The following GALNT5 variants were observed in gnomAD, a reference collection of about 807,000 sequenced individuals.
GALNT5 encodes the protein UDP-GalNAc:polypeptide N-acetylgalactosaminyltransferase 5.
Under a neutral mutation model 85.4 loss-of-function variants are expected in GALNT5, and 72 were observed. That is an observed-to-expected ratio of 0.84 (90% confidence interval 0.70 to 1.03). The LOEUF is 1.03. Among genes scored for constraint, GALNT5 ranks in the 50% least tolerant of loss-of-function variants. The pLI is 0.00. For missense variants in GALNT5, 1,137 were observed against 1,135.5 expected (o/e 1.00, Z -0.02); for synonymous variants, 404 against 397.0 (o/e 1.02, Z -0.21).
intron 2 of GALNT5, among the ~76,000 whole-genome samples, chr2:157,284,912 C>T (rs2105143597): frequency 6.6e-6 from 1 of 152,294 alleles, no homozygotes; most frequent in East Asian, 1.9e-4. Flanking sequence ...GTTAAGAAGA[C>T]AAATTGCCAA....
At chr2:157,292,597 A>G (rs1683123265) in intron 3 of GALNT5, among the ~76,000 whole-genome samples, 1 of 152,198 alleles carries the variant, frequency 6.6e-6, no homozygotes, top group African/African-American at 2.4e-5. Context: ...TGAGAAAGAT[A>G]ATCCAGGCCC....
chr2:157,297,964 CCT>C (rs1350344086), intron 5 of GALNT5, among the ~76,000 whole-genome samples: 14 of 152,166 alleles, frequency 9.2e-5, no homozygotes, highest in African/African-American at 2.4e-4. Flanking sequence ...TCATCTTGAG[CCT>C]CTGTTTTTTT....
chr2:157,296,135 T>C (rs1229262679), intron 4 of GALNT5, among the ~76,000 whole-genome samples: 1 of 86,904 alleles, frequency 1.2e-5, no homozygotes, highest in Admixed American at 1.3e-4. Flanking sequence ...TGCTTTTAAG[T>C]TGCTCTTGTA....
intron 9 of GALNT5, among the ~76,000 whole-genome samples, chr2:157,310,266 C>T (rs904016784): frequency 6.6e-6 from 1 of 152,158 alleles, no homozygotes; most frequent in Non-Finnish European, 1.5e-5. Context: ...TACCAAATGT[C>T]CTGGAGATGA....
intron 1 of GALNT5, among the ~76,000 whole-genome samples, chr2:157,283,468 G>A (rs1219855564): frequency 6.6e-6 from 1 of 152,196 alleles, no homozygotes; most frequent in Non-Finnish European, 1.5e-5. Context: ...AACTCCCACT[G>A]TAGCCTGGAT....
intron 1 of GALNT5, among the ~76,000 whole-genome samples, chr2:157,269,582 A>G (rs1328985574): frequency 6.6e-6 from 1 of 152,184 alleles, no homozygotes; most frequent in Non-Finnish European, 1.5e-5. Context: ...TGATCTGCCC[A>G]TGTAGGGTAC....
chr2:157,267,084 C>T (rs1682472102), intron 1 of GALNT5, among the ~76,000 whole-genome samples: 1 of 152,164 alleles, frequency 6.6e-6, no homozygotes, highest in South Asian at 2.1e-4. Context: ...GATGCCGAAA[C>T]ACAGGGGACT....
intron 6 of GALNT5, 65 bp from the exon 7 acceptor site, chr2:157,300,608 CATT>C: frequency 7.9e-7 from 1 of 1,259,722 alleles, no homozygotes; most frequent in East Asian, 2.3e-5. Context: ...GGTTTCTTGT[CATT>C]GTTAAGTGCC....
chr2:157,277,453 C>G (rs1186135110), intron 1 of GALNT5, among the ~76,000 whole-genome samples: 4 of 152,178 alleles, frequency 2.6e-5, no homozygotes, highest in Non-Finnish European at 2.9e-5. Context: ...GTGTGGGAGT[C>G]TAAGTCTCTT....
chr2:157,278,259 T>C (rs1682782469), intron 1 of GALNT5, among the ~76,000 whole-genome samples: 1 of 152,212 alleles, frequency 6.6e-6, no homozygotes, highest in East Asian at 1.9e-4. Context: ...TTAACATTTT[T>C]CCCTTCATTT....
chr2:157,284,870 G>C (rs1224160021), intron 2 of GALNT5, among the ~76,000 whole-genome samples: 4 of 152,212 alleles, frequency 2.6e-5, no homozygotes, highest in African/African-American at 4.8e-5. Context: ...CTTCTTCCTT[G>C]AGAGCAAGGC....
chr2:157,258,804 C>T lies in GALNT5; in HGVS notation c.722C>T (p.Pro241Leu). The part of the protein sequence containing the change: ...SQAVANERAH[P>L]ASTAVPKSGE... The stretch of plus-strand genomic sequence containing the variant: ...GCAGTAGCAAACGAGAGGGCACACC[C>T]TGCCAGCACAGCAGTGCCGAAGTCT... The change falls in exon 1 of 10, where the codon CCT becomes CTT. Residue 241 changes from proline to leucine, a missense_variant. Pro to Leu is a moderately conservative substitution (Grantham distance 98, BLOSUM62 -3). Transcript: ENST00000259056. 6.2e-7 allele frequency: 1 copy of T among 1,602,550 alleles called. No homozygotes were observed. The highest frequency in any genetic ancestry group is 1.7e-4 in the Middle Eastern group (1 of 6,020).
chr2:157,270,025 T>C (rs1301273262), intron 1 of GALNT5, among the ~76,000 whole-genome samples: 1 of 152,116 alleles, frequency 6.6e-6, no homozygotes, highest in Admixed American at 6.5e-5. Flanking sequence ...TCTCATTAAT[T>C]TATATTATAA....
chr2:157,303,498 A>T (rs2353291), intron 7 of GALNT5, among the ~76,000 whole-genome samples: 1 of 125,838 alleles, frequency 7.9e-6, no homozygotes, highest in Non-Finnish European at 1.5e-5. Flanking sequence ...TACACTGCCT[A>T]TTTTTTTTAA....
At chr2:157,297,860 C>G (rs567909116) in intron 5 of GALNT5, among the ~76,000 whole-genome samples, 2 of 152,210 alleles carry the variant, frequency 1.3e-5, no homozygotes, top group South Asian at 2.1e-4. Flanking sequence ...TAGTTTCTAT[C>G]CTCCATGATC....
rs549939969 is a variant in GALNT5 at position 157,301,139 on chromosome 2, G to C, written c.2439+140G>C. The C allele has an allele frequency of 2.8e-5, 18 of 654,114 alleles. No homozygotes were observed. The Admixed American group carries it at 4.1e-4, about 15-fold the overall frequency. The allele number at this position is 654,114 out of a possible 1,614,324, so 40.5% of individuals were successfully genotyped here. On this transcript the variant is annotated intron_variant, in intron 7 of 9. Coordinates refer to ENST00000259056, the MANE Select transcript of GALNT5 (RefSeq NM_014568.3). ...CAAAGATGGGACAAAGCATGGCTGA[G>C]AATTAAATATAGGTAAACTTGAGGA...
Position 157,318,248 on chromosome 2 carries a change from G to A in GALNT5, c.*6900G>A, listed in dbSNP as rs976628743. Among the ~76,000 whole-genome samples, 19 of 152,122 alleles carry A rather than the reference G, an allele frequency of 1.2e-4. No individual in the cohort carries two copies. The highest frequency in any genetic ancestry group is 4.3e-4 in the African/African-American group (18 of 41,490). On this transcript the variant is annotated 3_prime_UTR_variant, in exon 10 of 10. Transcript: ENST00000259056. ...AAATATGCCAAAAGTATGATCCCAT[G>A]TAAATATGCAGAAACGATTGCTATG...
In GALNT5 at chr2:157,308,584, C is replaced by T; in HGVS notation, c.2538C>T (p.Tyr846=). The T allele has an allele frequency of 6.2e-7, 1 of 1,608,470 alleles. No homozygotes were observed. The highest frequency in any genetic ancestry group is 8.5e-7 in the Non-Finnish European group (1 of 1,178,352). The change falls in exon 9 of 10, where the codon TAC becomes TAT. Residue 846 remains tyrosine, a synonymous_variant. Transcript: ENST00000259056. ...CCCCACAGCTTCAACAATTTAATTA[C>T]ACCTGGTTAAGACTTATTAAATGTG... The part of the protein sequence containing the change: ...DGSKELQQFN[Y]TWLRLIKCGE...
rs1683601796 is a variant in GALNT5 at position 157,312,696 on chromosome 2, A to G, written c.*1348A>G. On this transcript the variant is annotated 3_prime_UTR_variant, in exon 10 of 10. Transcript: ENST00000259056. ...TACCTAAAAATCTTAAAACCCAGGC[A>G]AGTTAGTCAAAGAATCAAGATTAGA... is the stretch of plus-strand genomic sequence containing the variant. 6.6e-6 allele frequency: 1 copy of G among 152,118 alleles called. No individual in the cohort carries two copies. The highest frequency in any genetic ancestry group is 2.4e-5 in the African/African-American group (1 of 41,430). The allele number at this position is 152,118 out of a possible 1,614,324, so 9.4% of individuals were successfully genotyped here. A position where few individuals can be genotyped will look rare whatever the true frequency, so the allele number is the denominator to read the frequency against.
Sources: gnomAD v4.1 joint callset for allele counts (sites outside exome capture counted in the v4.1 genomes callset) on GRCh38, gnomAD v4.1.1 for gene constraint, MANE v1.5 for transcripts, NCBI Gene and HGNC (gene_info 2026-07-23, HGNC 2026-07-21) for gene names.